ITGA2: variants seen among roughly 807,000 people sequenced by gnomAD.
The protein encoded by ITGA2 is integrin alpha-2.
Under a neutral mutation model 146.3 loss-of-function variants are expected in ITGA2, and 101 were observed. That is an observed-to-expected ratio of 0.69 (90% CI 0.59 to 0.81). The LOEUF (loss-of-function observed/expected upper bound fraction) is 0.81. Ranked by LOEUF, ITGA2 falls within the 40% of genes least tolerant of loss-of-function variation. ITGA2 has a pLI of 0.00. For synonymous variants in ITGA2, 477 were observed against 487.1 expected, an observed-to-expected ratio of 0.98 and a Z score of 0.27; for missense variants, 1,281 against 1,402.7, an observed-to-expected ratio of 0.91 and a Z score of 1.39.
chr5:53,088,467 C>T (rs1740221481), intron 28 of ITGA2, among the ~76,000 whole-genome samples: 2 of 152,046 alleles, frequency 1.3e-5, no homozygotes, highest in South Asian at 4.2e-4. Flanking sequence ...AGGCGAATCA[C>T]CTGAGGTTGG....
intron 4 of ITGA2, among the ~76,000 whole-genome samples, chr5:53,046,736 C>T (rs1744110501): frequency 1.3e-5 from 2 of 151,790 alleles, no homozygotes; most frequent in Non-Finnish European, 1.5e-5. Flanking sequence ...CCAAAGTTTC[C>T]TTTACATACT....
At chr5:53,061,910 C>T (rs1323648966) in intron 12 of ITGA2, among the ~76,000 whole-genome samples, 1 of 151,902 alleles carries the variant, frequency 6.6e-6, no homozygotes, top group Non-Finnish European at 1.5e-5. Flanking sequence ...CACAAATTAG[C>T]TATGGTCACA....
Position 53,062,894 on chromosome 5 carries a change from G to A in ITGA2, c.1567G>A (p.Glu523Lys), listed in dbSNP as rs1744963054. The A allele has an allele frequency of 6.2e-7, 1 of 1,609,388 alleles. No homozygotes were observed. Among genetic ancestry groups the A allele is most frequent in the African/African-American group, 1.3e-5 (1 of 74,228 alleles). ...APMYMSDLKK[E>K]EGRVYLFTIK... ...AATGTACATGAGTGACCTAAAGAAA[G>A]AGGAAGGAAGAGTCTACCTGTTTAC... Residue 523 changes from glutamate (E) to lysine (K), a missense_variant, in exon 13 of 30, where the codon GAG becomes AAG. By Grantham distance (56) the Glu-to-Lys change is moderately conservative. This residue lies in a region of ITGA2 where 795 missense variants were observed against 841.7 expected (regional missense o/e 0.94). Transcript: ENST00000296585.
chr5:53,066,070 T>G (rs1210201867), intron 15 of ITGA2, 93 bp downstream of exon 15: 1 of 1,164,534 alleles, frequency 8.6e-7, no homozygotes, highest in African/African-American at 1.5e-5. Flanking sequence ...AAATGCCACA[T>G]GCATTCTATA....
intron 1 of ITGA2, among the ~76,000 whole-genome samples, chr5:53,022,955 G>A (rs1742761642): frequency 6.6e-6 from 1 of 152,154 alleles, no homozygotes; most frequent in Non-Finnish European, 1.5e-5. Flanking sequence ...GAAAATAGAG[G>A]AAACTAGTTA....
chr5:53,004,755 G>T (rs1042217178), intron 1 of ITGA2, among the ~76,000 whole-genome samples: 1 of 151,602 alleles, frequency 6.6e-6, no homozygotes, highest in African/African-American at 2.4e-5. Context: ...CAGTTGTAAG[G>T]GTCCTTTTGT....
chr5:53,042,697 T>A (rs963186342), intron 3 of ITGA2, among the ~76,000 whole-genome samples: 1 of 152,164 alleles, frequency 6.6e-6, no homozygotes, highest in African/African-American at 2.4e-5. Flanking sequence ...GCTGTTTTAA[T>A]TATCCCCATC....
At chr5:53,083,974 T>C (rs1346556476) in intron 27 of ITGA2, among the ~76,000 whole-genome samples, 3 of 152,212 alleles carry the variant, frequency 2.0e-5, no homozygotes, top group Non-Finnish European at 4.4e-5. Context: ...TTTACCCTTT[T>C]CCTGTTGGGA....
At chr5:53,027,420 G>T (rs1238637396) in intron 2 of ITGA2, among the ~76,000 whole-genome samples, 2 of 152,050 alleles carry the variant, frequency 1.3e-5, no homozygotes, top group African/African-American at 4.8e-5. Context: ...TTTTGTTTTT[G>T]CCCCAAAGTG....
chr5:53,005,782 G>A (rs1353202725), intron 1 of ITGA2, among the ~76,000 whole-genome samples: 1 of 152,036 alleles, frequency 6.6e-6, no homozygotes, highest in Admixed American at 6.6e-5. Flanking sequence ...ACATATACAT[G>A]ATATCTATTT....
intron 3 of ITGA2, among the ~76,000 whole-genome samples, chr5:53,043,457 TTC>T (rs1466221353): frequency 6.6e-6 from 1 of 152,194 alleles, no homozygotes; most frequent in Non-Finnish European, 1.5e-5. Flanking sequence ...TTCTATTATT[TTC>T]TGTCTTCACT....
intron 1 of ITGA2, among the ~76,000 whole-genome samples, chr5:53,007,993 T>C (rs982570669): frequency 2.0e-5 from 3 of 152,146 alleles, no homozygotes; most frequent in African/African-American, 7.2e-5. Flanking sequence ...TTTATATCTG[T>C]GCATAAATGT....
intron 1 of ITGA2, among the ~76,000 whole-genome samples, chr5:53,001,209 A>G (rs1461758020): frequency 6.6e-6 from 1 of 151,924 alleles, no homozygotes; most frequent in African/African-American, 2.4e-5. Flanking sequence ...GCAATAAAGC[A>G]TTTTCATTTG....
At chr5:53,032,968 A>T (rs191991308) in intron 2 of ITGA2, among the ~76,000 whole-genome samples, 89 of 152,288 alleles carry the variant, frequency 5.8e-4, no homozygotes, top group South Asian at 1.9e-3. Flanking sequence ...GTGTGAGAAT[A>T]AAAGTAAAGC....
intron 1 of ITGA2, among the ~76,000 whole-genome samples, chr5:53,012,827 G>A (rs1192543561): frequency 1.3e-5 from 2 of 152,100 alleles, no homozygotes; most frequent in Non-Finnish European, 2.9e-5. Context: ...CTGTGGCTTT[G>A]ACTTGTATTT....
intron 26 of ITGA2, among the ~76,000 whole-genome samples, 178 bp downstream of exon 26, chr5:53,081,874 C>G (rs1441988627): frequency 2.0e-5 from 3 of 152,104 alleles, no homozygotes; most frequent in African/African-American, 7.2e-5. Flanking sequence ...GATTTTGAAA[C>G]CCACAATTTA....
At chr5:53,007,041 A>T (rs1741893079) in intron 1 of ITGA2, among the ~76,000 whole-genome samples, 1 of 152,172 alleles carries the variant, frequency 6.6e-6, no homozygotes. Context: ...TTTCCTAACT[A>T]CGAATAATGA....
rs931374671 is a variant in ITGA2, at chr5:53,046,217, A to G, written c.387+1125A>G. ...CTCAAAAAAAAAAAAAAAAAAAAAG[A>G]AAAAAAAGTCTTAGACAGCATAATT... On this transcript the variant is annotated intron_variant, in intron 4 of 29. Coordinates refer to ENST00000296585, the MANE Select transcript of ITGA2 (RefSeq NM_002203.4). Among the ~76,000 whole-genome samples, 5 of 147,254 alleles carry G rather than the reference A, an allele frequency of 3.4e-5. No individual in the cohort carries two copies. The South Asian group carries it at 6.5e-4, about 19-fold the overall frequency.
In ITGA2 at chr5:53,041,968, A is replaced by G. The variant is rs1413045698; in HGVS notation, c.186-144A>G. 3 of 655,402 alleles carry G rather than the reference A, an allele frequency of 4.6e-6. No individual in the cohort carries two copies. In the East Asian group the frequency reaches 8.5e-5, roughly 19 times the overall value. The allele number at this position is 655,402 out of a possible 1,614,324, so 40.6% of individuals were successfully genotyped here. The stretch of plus-strand genomic sequence containing the variant: ...TCAAAGCTCTTTATCAGCTAAGCAG[A>G]AAGGCAGCAGGTCAAATCATAGCTG... On this transcript the variant is annotated intron_variant, in intron 2 of 29. Coordinates refer to ENST00000296585, the MANE Select transcript of ITGA2 (RefSeq NM_002203.4).
Sources: gnomAD v4.1 joint callset for allele counts (sites outside exome capture counted in the v4.1 genomes callset) on GRCh38, gnomAD v4.1.1 for gene constraint, gnomAD v4.1.1 regional missense constraint, MANE v1.5 for transcripts, NCBI Gene and HGNC (gene_info 2026-07-23, HGNC 2026-07-21) for gene names.